The following DOC2A variants were observed in gnomAD, a reference collection of about 807,000 sequenced individuals.
DOC2A encodes double C2 domain alpha.
DOC2A carries 28 observed loss-of-function variants against 40.6 expected under a neutral mutation model. The observed-to-expected ratio is 0.69, with a 90% CI of 0.51 to 0.95. The LOEUF is 0.95. Ranked by LOEUF, DOC2A falls within the 40% of genes least tolerant of loss-of-function variation. The pLI is 0.00. For missense variants in DOC2A, 474 were observed against 552.5 expected (o/e 0.86, Z 1.42); for synonymous variants, 241 against 236.9 (o/e 1.02, Z -0.16).
At chr16:30,012,109 T>G (rs1202263691), upstream of DOC2A, 1 of 152,598 alleles carries the variant, frequency 6.6e-6, no homozygotes, top group Non-Finnish European at 1.5e-5. Flanking sequence ...TCACCCTCGC[T>G]GCCCACCACT....
chr16:30,011,070 G>A (rs2070767139), upstream of DOC2A: 1 of 980,210 alleles, frequency 1.0e-6, no homozygotes, highest in South Asian at 4.7e-5. Context: ...GATGCAGCCG[G>A]CGCGGCGGCG....
upstream of DOC2A, chr16:30,011,061 A>T: frequency 2.3e-5 from 22 of 951,602 alleles, no homozygotes; most frequent in Non-Finnish European, 2.6e-5. Context: ...GGAGGCGAGG[A>T]TGCAGCCGGC....
upstream of DOC2A, chr16:30,013,611 A>ATAATAAAAAAAAAT: frequency 6.6e-6 from 1 of 150,964 alleles, no homozygotes; most frequent in East Asian, 1.9e-4. Context: ...CTCAAAAAAA[A>ATAATAAAAAAAAAT]AAAAAAAAAA....
At position 30,006,045 on chromosome 16, in the gene DOC2A, C is replaced by G. The variant is rs562214606; in HGVS notation, c.*141G>C. The G allele has an allele frequency of 1.5e-3, 1,435 of 970,818 alleles. 25 individuals carry two copies. The South Asian group carries it at 0.023, about 16-fold the overall frequency. 60.1% of individuals were successfully genotyped at this position (970,818 alleles called of 1,614,324 possible). On this transcript the variant is annotated 3_prime_UTR_variant, in exon 11 of 11. Transcript: ENST00000350119. The surrounding 1 kb of genome is among the most constrained non-coding windows in gnomAD (Gnocchi z 6.2). ...AACTCCGCAGCCCCTCATGAGCAGACAGACCCGGGTCACGGAGACTCACAA... is the reference window on the plus strand; with the variant it reads ...AACTCCGCAGCCCCTCATGAGCAGAGAGACCCGGGTCACGGAGACTCACAA...
At chr16:30,017,248 CA>C (rs1312453564), upstream of DOC2A, among the ~76,000 whole-genome samples, 1 of 149,632 alleles carries the variant, frequency 6.7e-6, no homozygotes, top group African/African-American at 2.5e-5. Context: ...CACTGTACTC[CA>C]GCCTGAGTGA....
In DOC2A at chr16:30,006,792, C is replaced by T. The variant is rs752745032; in HGVS notation, c.871G>A (p.Val291Ile). 13 of 1,613,678 alleles carry T rather than the reference C, an allele frequency of 8.1e-6. No individual in the cohort carries two copies. Among genetic ancestry groups the T allele is most frequent in the South Asian group, 1.1e-5 (1 of 91,084 alleles). ...MDVNGYSDPYVKTYLRPDVDK... is the reference protein window; with the variant it reads ...MDVNGYSDPYIKTYLRPDVDK... The stretch of plus-strand genomic sequence containing the variant: ...GTCAGAGCAAGGGCTCACGTCTTGA[C>T]GTAGGGGTCCGAGTAACCGTTGACG... Residue 291 changes from valine to isoleucine, a missense_variant, in exon 8 of 11, where the codon GTC (valine) becomes ATC (isoleucine). Coordinates refer to ENST00000350119, the MANE Select transcript of DOC2A (RefSeq NM_003586.3). The surrounding 1 kb of genome is among the most constrained non-coding windows in gnomAD (Gnocchi z 6.2).
upstream of DOC2A, among the ~76,000 whole-genome samples, chr16:30,022,807 A>G (rs1263021703): frequency 6.6e-6 from 1 of 152,092 alleles, no homozygotes; most frequent in Non-Finnish European, 1.5e-5. Flanking sequence ...GTGGTGGCAG[A>G]CAGATAAAAG....
At position 30,006,567 on chromosome 16, in the gene DOC2A, C is replaced by CCCTCCATGTCCCG; in HGVS notation, c.960+16_960+28dup. ...CAGCTCCCCAGCCCCTCCCTGGCCT[C>CCCTCCATGTCCCG]CCTCCATGTCCCGTCCCCTCCTGGG... is the stretch of plus-strand genomic sequence containing the variant. On this transcript the variant is annotated intron_variant, in intron 9 of 10. Coordinates refer to ENST00000350119, the MANE Select transcript of DOC2A (RefSeq NM_003586.3). This position sits in a 1 kb window ranked among gnomAD's most constrained non-coding sequence, Gnocchi z 6.2. The CCCTCCATGTCCCG allele has an allele frequency of 1.9e-6, 3 of 1,613,650 alleles. No individual in the cohort carries two copies. Among genetic ancestry groups the CCCTCCATGTCCCG allele is most frequent in the Non-Finnish European group, 2.5e-6 (3 of 1,179,724 alleles).
chr16:30,020,624 C>T (rs1211904626), intron 1 of DOC2A, among the ~76,000 whole-genome samples: 1 of 152,032 alleles, frequency 6.6e-6, no homozygotes, highest in Non-Finnish European at 1.5e-5. Flanking sequence ...GGGCAGATCA[C>T]TTGAGGTCAG....
Position 30,006,185 on chromosome 16 carries a change from C to G in DOC2A, c.*1G>C, listed in dbSNP as rs898588075. The G allele has an allele frequency of 6.3e-6, 10 of 1,579,192 alleles. No homozygotes were observed. The Admixed American group carries it at 1.5e-4, about 23-fold the overall frequency. On this transcript the variant is annotated 3_prime_UTR_variant, in exon 11 of 11. Transcript: ENST00000350119. The surrounding 1 kb of genome is among the most constrained non-coding windows in gnomAD (Gnocchi z 6.2). ...GCCTGTGCCGGGACACTGCTGTCCA[C>G]TCAGGCTGAGGACAGAGCCCCGGCC...
At chr16:30,013,158 CAAAAAA>C (rs1171077200), upstream of DOC2A, among the ~76,000 whole-genome samples, 2 of 39,182 alleles carry the variant, frequency 5.1e-5, no homozygotes, top group Admixed American at 3.9e-4. Context: ...CCTGTCTCTA[CAAAAAA>C]AAAAAAAAAA....
rs766473626 is a variant in DOC2A at position 30,007,097 on chromosome 16, G to A, written c.655-7C>T. On this transcript the variant is annotated splice_polypyrimidine_tract_variant and splice_region_variant and intron_variant, in intron 6 of 10. Coordinates refer to ENST00000350119, the MANE Select transcript of DOC2A (RefSeq NM_003586.3). ...TGGAAGAGGGGGACGCCAGCTGAGG[G>A]GGCAAAGAGAAGGTTCTGGAAGCCT... The A allele has an allele frequency of 6.2e-7, 1 of 1,613,940 alleles. No individual in the cohort carries two copies.
Position 30,009,307 on chromosome 16 carries a change from G to C in DOC2A, c.343-31C>G, listed in dbSNP as rs752691978. 1.3e-6 allele frequency: 2 copies of C among 1,543,734 alleles called. No individual in the cohort carries two copies. Among genetic ancestry groups the C allele is most frequent in the East Asian group, 4.9e-5 (2 of 40,978 alleles). ...GAGGAGGGCAGGGGAGAGGGCTAGA[G>C]GCTCCCGGCACCTCTCTCCATCCCT... is the stretch of plus-strand genomic sequence containing the variant. On this transcript the variant is annotated intron_variant, in intron 3 of 10. Transcript: ENST00000350119. The surrounding 1 kb of genome is among the most constrained non-coding windows in gnomAD (Gnocchi z 4.1).
At position 30,005,565 on chromosome 16, in the gene DOC2A, C is replaced by A; in HGVS notation, c.*621G>T. 1.0e-6 allele frequency: 1 copy of A among 983,906 alleles called. No individual in the cohort carries two copies. The highest frequency in any genetic ancestry group is 1.5e-6 in the Non-Finnish European group (1 of 653,844). The allele number at this position is 983,906 out of a possible 1,614,324, so 60.9% of individuals were successfully genotyped here. A position where few individuals can be genotyped will look rare whatever the true frequency, so the allele number is the denominator to read the frequency against. ...AGCTGCCATGCTCCGGCCACTGACACAACCAGAAAAGGCGTAAACATGCAC... is the reference window on the plus strand; with the variant it reads ...AGCTGCCATGCTCCGGCCACTGACAAAACCAGAAAAGGCGTAAACATGCAC... On this transcript the variant is annotated 3_prime_UTR_variant, in exon 11 of 11. Transcript: ENST00000350119.
rs1181678285 is a variant in DOC2A at position 30,010,471 on chromosome 16, ACC to A, written c.-13-238_-13-237del. 6 of 605,052 alleles carry A rather than the reference ACC, an allele frequency of 9.9e-6. No individual in the cohort carries two copies. The highest frequency in any genetic ancestry group is 1.8e-5 in the Non-Finnish European group (6 of 337,960). 37.5% of individuals were successfully genotyped at this position (605,052 alleles called of 1,614,324 possible). A position where few individuals can be genotyped will look rare whatever the true frequency, so the allele number is the denominator to read the frequency against. ...TCCTTGCAGAAGTCGAGGTTGCACC[ACC>A]CCGTCCTCACCCACCCACTTCTAGG... On this transcript the variant is annotated intron_variant, in intron 1 of 10. Transcript: ENST00000350119. This position sits in a 1 kb window ranked among gnomAD's most constrained non-coding sequence, Gnocchi z 4.2.
chr16:30,021,058 C>G (rs1484707417), intron 1 of DOC2A: 1 of 152,280 alleles, frequency 6.6e-6, no homozygotes, highest in African/African-American at 2.4e-5. Flanking sequence ...GAGCCAGTCC[C>G]ATAGATATTC....
chr16:30,005,555 G>T lies in DOC2A; in HGVS notation c.*631C>A. The stretch of plus-strand genomic sequence containing the variant: ...ATTGATGCCCAGCTGCCATGCTCCG[G>T]CCACTGACACAACCAGAAAAGGCGT... On this transcript the variant is annotated 3_prime_UTR_variant, in exon 11 of 11. Transcript: ENST00000350119. The T allele has an allele frequency of 1.9e-6, 2 of 1,030,028 alleles. No individual in the cohort carries two copies. The highest frequency in any genetic ancestry group is 2.9e-6 in the Non-Finnish European group (2 of 693,692). 63.8% of individuals were successfully genotyped at this position (1,030,028 alleles called of 1,614,324 possible). A position where few individuals can be genotyped will look rare whatever the true frequency, so the allele number is the denominator to read the frequency against.
chr16:30,006,971 C>T lies in DOC2A; in HGVS notation c.715-23G>A. ...CAACTGCGGGGCACAGACTCAGGGT[C>T]AGCCTGGGCCCCTGCAGCCTCCCAC... On this transcript the variant is annotated intron_variant, in intron 7 of 10. Transcript: ENST00000350119. This position sits in a 1 kb window ranked among gnomAD's most constrained non-coding sequence, Gnocchi z 6.2. 6.2e-7 allele frequency: 1 copy of T among 1,613,770 alleles called. No homozygotes were observed. Among genetic ancestry groups the T allele is most frequent in the Non-Finnish European group, 8.5e-7 (1 of 1,179,812 alleles).
Position 30,010,812 on chromosome 16 carries a change from G to A in DOC2A, c.-14+91C>T, listed in dbSNP as rs1056732276. ...CTCAGGGGAGCCAGAAATTGCAGCC[G>A]CAGGAGAGCCGAACACCCCCGTAGC... On this transcript the variant is annotated intron_variant, in intron 1 of 10. Transcript: ENST00000350119. The surrounding 1 kb of genome is among the most constrained non-coding windows in gnomAD (Gnocchi z 4.2). 158 of 920,088 alleles carry A rather than the reference G, an allele frequency of 1.7e-4. 1 individual carries two copies. Among genetic ancestry groups the A allele is most frequent in the Non-Finnish European group, 2.0e-4 (152 of 764,472 alleles). 57.0% of individuals were successfully genotyped at this position (920,088 alleles called of 1,614,324 possible).
Sources: gnomAD v4.1 joint callset for allele counts (sites outside exome capture counted in the v4.1 genomes callset) on GRCh38, gnomAD v4.1.1 for gene constraint, Gnocchi (gnomAD v3.1) non-coding constraint, MANE v1.5 for transcripts, NCBI Gene and HGNC (gene_info 2026-07-23, HGNC 2026-07-21) for gene names.